TRIOBP: variants seen among roughly 807,000 people sequenced by gnomAD.
TRIOBP encodes TRIO and F-actin binding protein.
A neutral mutation model predicts 238.8 loss-of-function variants in TRIOBP; 169 were observed. That is an observed-to-expected ratio of 0.71 (90% CI 0.62 to 0.80). The LOEUF (loss-of-function observed/expected upper bound fraction) is 0.80. TRIOBP is among the 30% of genes least tolerant of loss of function. The pLI, the probability that TRIOBP is intolerant of heterozygous loss-of-function variation, is 0.00. For missense variants in TRIOBP, 2,838 were observed against 3,122.6 expected, an observed-to-expected ratio of 0.91 and a Z score of 2.17; for synonymous variants, 1,150 against 1,274.4, an observed-to-expected ratio of 0.90 and a Z score of 2.08.
At chr22:37,700,485 GGCTCACT>G (rs1222030708) in intron 2 of TRIOBP, among the ~76,000 whole-genome samples, 1 of 150,758 alleles carries the variant, frequency 6.6e-6, no homozygotes, top group Non-Finnish European at 1.5e-5. Context: ...GCACAGTCAT[GGCTCACT>G]GCAGCCTCGA....
chr22:37,698,563 G>A (rs1441859776), intron 2 of TRIOBP, among the ~76,000 whole-genome samples: 2 of 151,890 alleles, frequency 1.3e-5, no homozygotes. Flanking sequence ...ATGTTGGGCA[G>A]GCTGGTCTTG....
chr22:37,772,741 G>T lies in TRIOBP; in HGVS notation c.7077G>T (p.Met2359Ile). Reference sequence around the variant, plus strand: ...CCGCCCTCCAGGAGAAGGAGTCGATGCGCAACAGCCTGGCTGAGTAGAGGT... The same window carrying T: ...CCGCCCTCCAGGAGAAGGAGTCGATTCGCAACAGCCTGGCTGAGTAGAGGT... ...AMAALQEKES[M>I]RNSLAE Residue 2359 changes from methionine to isoleucine, a missense_variant, in exon 23 of 24, where the codon ATG (methionine) becomes ATT (isoleucine). By Grantham distance (10) the Met-to-Ile change is conservative. Around this residue, in one of 5 missense-constraint regions of TRIOBP, gnomAD observed 2,096 missense variants for 2,137.4 expected, o/e 0.98. Transcript: ENST00000644935. The T allele has an allele frequency of 6.2e-7, 1 of 1,613,712 alleles. No homozygotes were observed.
intron 11 of TRIOBP, among the ~76,000 whole-genome samples, chr22:37,747,850 A>G (rs747435950): frequency 2.6e-5 from 4 of 152,206 alleles, no homozygotes; most frequent in Non-Finnish European, 5.9e-5. Flanking sequence ...CAGAATTTGT[A>G]TCCAGGTCCG....
chr22:37,761,332 T>G (rs1343419743), intron 17 of TRIOBP, among the ~76,000 whole-genome samples: 2 of 151,520 alleles, frequency 1.3e-5, no homozygotes, highest in African/African-American at 4.9e-5. Context: ...TGGGCGCCTA[T>G]AATCCCAGCT....
chr22:37,725,442 GTCC>G lies in TRIOBP; in HGVS notation c.2891_2893del (p.Ser964del). The G allele has an allele frequency of 6.2e-7, 1 of 1,611,244 alleles. No homozygotes were observed. Among genetic ancestry groups the G allele is most frequent in the Non-Finnish European group, 8.5e-7 (1 of 1,178,344 alleles). On this transcript the variant is annotated inframe_deletion, in exon 7 of 24. Transcript: ENST00000644935. ...GGCCAGCCCAGCATGACCCACCCCAGTCCTCCTTTGGCCCCACCCAGTACAACT... is the reference window on the plus strand; with the variant it reads ...GGCCAGCCCAGCATGACCCACCCCAGTCCTTTGGCCCCACCCAGTACAACT...
Position 37,721,969 on chromosome 22 carries a change from A to T in TRIOBP, c.629-1216A>T, listed in dbSNP as rs532859806. ...GGAGTTGCAAAGAGGGTCACTACTGAGGACAGTTACATTAATCCTTTAGGC... is the reference window on the plus strand; with the variant it reads ...GGAGTTGCAAAGAGGGTCACTACTGTGGACAGTTACATTAATCCTTTAGGC... On this transcript the variant is annotated intron_variant, in intron 6 of 23. Coordinates refer to ENST00000644935, the MANE Select transcript of TRIOBP (RefSeq NM_001039141.3). Among the ~76,000 whole-genome samples, 4 of 152,302 alleles carry T rather than the reference A, an allele frequency of 2.6e-5. No individual in the cohort carries two copies. In the South Asian group the frequency reaches 8.3e-4, roughly 32 times the overall value.
intron 11 of TRIOBP, among the ~76,000 whole-genome samples, chr22:37,743,627 TGA>T (rs1447041812): frequency 6.6e-6 from 1 of 152,062 alleles, no homozygotes; most frequent in Non-Finnish European, 1.5e-5. Context: ...ATGTAACTGA[TGA>T]GAACAGTGTG....
chr22:37,767,524 A>G (rs1040697932), intron 18 of TRIOBP, among the ~76,000 whole-genome samples: 1 of 152,148 alleles, frequency 6.6e-6, no homozygotes, highest in African/African-American at 2.4e-5. Flanking sequence ...ACACCTTCCA[A>G]TAACCCCATG....
chr22:37,743,830 TGTGTGTGTGTGTGTGCTGG>T (rs1195014700), intron 11 of TRIOBP, among the ~76,000 whole-genome samples: 1 of 127,198 alleles, frequency 7.9e-6, no homozygotes, highest in Admixed American at 8.6e-5. Flanking sequence ...TGTGTGTGTG[TGTGTGTGTGTGTGTGCTGG>T]GTGTGTGTGA....
At chr22:37,714,053 G>A (rs1417123952) in intron 5 of TRIOBP, among the ~76,000 whole-genome samples, 1 of 152,204 alleles carries the variant, frequency 6.6e-6, no homozygotes, top group Non-Finnish European at 1.5e-5. Context: ...CTTGGTGGGT[G>A]TGGGCTCAGG....
At chr22:37,717,734 G>T (rs1049588227) in intron 6 of TRIOBP, among the ~76,000 whole-genome samples, 1 of 152,198 alleles carries the variant, frequency 6.6e-6, no homozygotes, top group Non-Finnish European at 1.5e-5. Context: ...TAGACATAAA[G>T]GTTCTCCAAG....
intron 5 of TRIOBP, among the ~76,000 whole-genome samples, chr22:37,714,488 G>A (rs1923417296): frequency 6.6e-6 from 1 of 152,168 alleles, no homozygotes; most frequent in South Asian, 2.1e-4. Context: ...GGCCAACATG[G>A]TGAAACTCTG....
chr22:37,753,509 C>T (rs1339816834), intron 12 of TRIOBP, among the ~76,000 whole-genome samples: 2 of 152,180 alleles, frequency 1.3e-5, no homozygotes, highest in East Asian at 3.9e-4. Context: ...GAACTCCTGA[C>T]CTCAGATGAT....
chr22:37,761,754 T>C (rs1277615542), intron 17 of TRIOBP, among the ~76,000 whole-genome samples: 1 of 151,046 alleles, frequency 6.6e-6, no homozygotes, highest in Non-Finnish European at 1.5e-5. Flanking sequence ...GGATGGAGTT[T>C]CCACTGATAG....
rs1924162597 is a variant in TRIOBP at position 37,726,393 on chromosome 22, C to T, written c.3837C>T (p.Pro1279=). 6.3e-7 allele frequency: 1 copy of T among 1,587,420 alleles called. No homozygotes were observed. The highest frequency in any genetic ancestry group is 1.3e-5 in the African/African-American group (1 of 74,412). The change falls in exon 7 of 24, where the codon CCC becomes CCT. Residue 1279 remains proline, a synonymous_variant. Coordinates refer to ENST00000644935, the MANE Select transcript of TRIOBP (RefSeq NM_001039141.3). ...EYTVLADLPP[P]RRLAQRQPGP... is the part of the protein sequence containing the mutation. ...CTGTGCTGGCCGACCTGCCCCCACC[C>T]AGGAGGCTGGCCCAGAGACAGCCAG...
chr22:37,728,597 C>G (rs893995446), intron 7 of TRIOBP, among the ~76,000 whole-genome samples: 3 of 152,034 alleles, frequency 2.0e-5, no homozygotes. Flanking sequence ...AGGTTTACAG[C>G]AAAATTGAGC....
chr22:37,769,003 C>T (rs753139958), intron 19 of TRIOBP, 25 bp from the exon 20 acceptor site: 1 of 1,612,810 alleles, frequency 6.2e-7, no homozygotes, highest in African/African-American at 1.3e-5. Flanking sequence ...AACCTATGCT[C>T]TCCTCTGCTC....
intron 17 of TRIOBP, among the ~76,000 whole-genome samples, chr22:37,764,466 C>T (rs1926388315): frequency 6.6e-6 from 1 of 152,206 alleles, no homozygotes; most frequent in South Asian, 2.1e-4. Flanking sequence ...CATTGTCAAG[C>T]TCGATCCCAT....
At chr22:37,737,457 C>A (rs1159831833) in intron 9 of TRIOBP, among the ~76,000 whole-genome samples, 2 of 151,894 alleles carry the variant, frequency 1.3e-5, no homozygotes, top group Non-Finnish European at 2.9e-5. Context: ...CTCAGGAGAT[C>A]GACACCAGCC....
Sources: gnomAD v4.1 joint callset for allele counts (sites outside exome capture counted in the v4.1 genomes callset) on GRCh38, gnomAD v4.1.1 for gene constraint, gnomAD v4.1.1 regional missense constraint, MANE v1.5 for transcripts, NCBI Gene and HGNC (gene_info 2026-07-23, HGNC 2026-07-21) for gene names.